Variants in ZNF766 observed in about 807,000 individuals in gnomAD.
ZNF766 encodes the protein zinc finger protein 766.
A neutral mutation model predicts 13.2 loss-of-function variants in ZNF766; 13 were observed. The ratio of observed to expected loss-of-function variants is 0.98; its 90% confidence interval spans 0.64 to 1.56. The LOEUF is 1.56. Among genes scored for constraint, ZNF766 ranks in the 40% most tolerant of loss-of-function variants. The pLI, the probability that ZNF766 is intolerant of heterozygous loss-of-function variation, is 0.00. For missense variants in ZNF766, 521 were observed against 552.2 expected (o/e 0.94, Z 0.57); for synonymous variants, 178 against 187.6 (o/e 0.95, Z 0.42).
chr19:52,276,039 C>G (rs1981181023), intron 1 of ZNF766, among the ~76,000 whole-genome samples: 1 of 152,172 alleles, frequency 6.6e-6, no homozygotes, highest in South Asian at 2.1e-4. Context: ...ACCGTTGTTA[C>G]AGTTGACTAT....
Position 52,282,793 on chromosome 19 carries a change from A to G in ZNF766, c.146-492A>G, listed in dbSNP as rs142951867. Among the ~76,000 whole-genome samples the G allele has an allele frequency of 2.0e-5, 3 of 152,306 alleles. No individual in the cohort carries two copies. In the East Asian group the frequency reaches 5.8e-4, roughly 29 times the overall value. Reference sequence around the variant, plus strand: ...GCATAAAACCTTATGACAAACTTTTAAAATATCCAGTTCCCTGTTTTCTAC... The same window carrying G: ...GCATAAAACCTTATGACAAACTTTTGAAATATCCAGTTCCCTGTTTTCTAC... On this transcript the variant is annotated intron_variant, in intron 2 of 3. Transcript: ENST00000439461.
chr19:52,292,149 G>T lies in ZNF766; in HGVS notation c.*951G>T, dbSNP rs1313827065. On this transcript the variant is annotated 3_prime_UTR_variant, in exon 4 of 4. Transcript: ENST00000439461. Reference sequence around the variant, plus strand: ...ATTTCTTCATGTGCCTTCCCTACAGGCCTTTCACTGTGGTCTGGGAAAGAA... The same window carrying T: ...ATTTCTTCATGTGCCTTCCCTACAGTCCTTTCACTGTGGTCTGGGAAAGAA... The T allele has an allele frequency of 1.4e-6, 1 of 702,836 alleles. No individual in the cohort carries two copies. Among genetic ancestry groups the T allele is most frequent in the East Asian group, 2.7e-5 (1 of 37,264 alleles). The allele number at this position is 702,836 out of a possible 1,614,324, so 43.5% of individuals were successfully genotyped here.
intron 3 of ZNF766, among the ~76,000 whole-genome samples, chr19:52,288,410 G>A (rs1378786255): frequency 6.6e-6 from 1 of 151,964 alleles, no homozygotes; most frequent in Non-Finnish European, 1.5e-5. Flanking sequence ...TAAGAGATAG[G>A]GTCTCACTGT....
intron 1 of ZNF766, among the ~76,000 whole-genome samples, chr19:52,273,019 T>A (rs76334390): frequency 0.12 from 9,114 of 74,206 alleles, 433 homozygotes; most frequent in East Asian, 0.26. Flanking sequence ...ATTAATATAT[T>A]TTTTTTTCGA....
rs1008446099 is a variant in ZNF766, at chr19:52,292,528, G to A, written c.*1330G>A. On this transcript the variant is annotated 3_prime_UTR_variant, in exon 4 of 4. Transcript: ENST00000439461. The stretch of plus-strand genomic sequence containing the variant: ...TCTCCATTGAATAGCAATAGCTGCT[G>A]TTTAGCAAAGACTGATTAAAAAGTA... The A allele has an allele frequency of 4.2e-5, 10 of 239,964 alleles. No homozygotes were observed. In the East Asian group the frequency reaches 7.8e-4, roughly 19 times the overall value. The allele number at this position is 239,964 out of a possible 1,614,324, so 14.9% of individuals were successfully genotyped here.
chr19:52,272,048 T>C (rs2089275), intron 1 of ZNF766, among the ~76,000 whole-genome samples: 50,368 of 146,038 alleles, frequency 0.34, 9,594 homozygotes, highest in African/African-American at 0.51. Flanking sequence ...ATGATTAAAA[T>C]AAAAAATATT....
At position 52,291,061 on chromosome 19, in the gene ZNF766, TCACACCTTGCAAATCATCAGAGAATC is replaced by T; in HGVS notation, c.1276_1301del (p.Leu426TrpfsTer12). The T allele has an allele frequency of 6.2e-7, 1 of 1,614,156 alleles. No individual in the cohort carries two copies. Among genetic ancestry groups the T allele is most frequent in the Non-Finnish European group, 8.5e-7 (1 of 1,180,002 alleles). On this transcript the variant is annotated frameshift_variant, in exon 4 of 4. Transcript: ENST00000439461. LOFTEE classifies it low-confidence loss of function (END_TRUNC). ...GTGTGGCAAAGTCTTCACTCAGAAT[TCACACCTTGCAAATCATCAGAGAATC>T]CACACTGGAGAGAAACCTTACAAAT...
intron 1 of ZNF766, among the ~76,000 whole-genome samples, chr19:52,271,271 T>C (rs1357124380): frequency 1.3e-5 from 2 of 152,198 alleles, no homozygotes; most frequent in African/African-American, 2.4e-5. Flanking sequence ...AGGGGCAGTC[T>C]TGTGGGACTG....
At chr19:52,277,435 G>C in intron 1 of ZNF766, 1 of 1,521,140 alleles carries the variant, frequency 6.6e-7, no homozygotes, top group Admixed American at 2.0e-5. Context: ...CTCCAGCCTG[G>C]GTGACAGAGT....
Position 52,290,106 on chromosome 19 carries a change from T to A in ZNF766, c.315T>A (p.Pro105=). 6.2e-7 allele frequency: 1 copy of A among 1,613,954 alleles called. No individual in the cohort carries two copies. Among genetic ancestry groups the A allele is most frequent in the Non-Finnish European group, 8.5e-7 (1 of 1,179,902 alleles). The change falls in exon 4 of 4, where the codon CCT becomes CCA. Residue 105 remains proline (P), a synonymous_variant. Transcript: ENST00000439461. The stretch of plus-strand genomic sequence containing the variant: ...TGAGAAGCAAAGCAGGAAACAAGCC[T>A]ATTACAAATCAACTTGGATTAACCT... The part of the protein sequence containing the change: ...CAVRSKAGNK[P]ITNQLGLTFQ...
In ZNF766 at chr19:52,291,265, C is replaced by A; in HGVS notation, c.*67C>A. On this transcript the variant is annotated 3_prime_UTR_variant, in exon 4 of 4. Transcript: ENST00000439461. ...CCGAGAGTCTATACTAGAAAGAAAT[C>A]ATTTAAATGTACTATATGTGGCACA... 1 of 1,433,506 alleles carries A rather than the reference C, an allele frequency of 7.0e-7. No individual in the cohort carries two copies. The highest frequency in any genetic ancestry group is 9.4e-7 in the Non-Finnish European group (1 of 1,062,998). 88.8% of individuals were successfully genotyped at this position (1,433,506 alleles called of 1,614,324 possible).
intron 1 of ZNF766, among the ~76,000 whole-genome samples, chr19:52,271,980 CAAAAAAAAAAA>C (rs371229113): frequency 2.2e-5 from 2 of 89,166 alleles, no homozygotes; most frequent in South Asian, 4.4e-4. Context: ...GAGACTGTCT[CAAAAAAAAAAA>C]AAAAAAAAAA....
rs777833238 is a variant in ZNF766, at chr19:52,269,642, C to T, written c.18+11C>T. ...GCGCAACTGCGGCGCGTGAGTTTTCCTTTGTTTAGATTAAGTGTTCGCTTA... is the reference window on the plus strand; with the variant it reads ...GCGCAACTGCGGCGCGTGAGTTTTCTTTTGTTTAGATTAAGTGTTCGCTTA... On this transcript the variant is annotated intron_variant, in intron 1 of 3. Transcript: ENST00000439461. 1 of 1,612,914 alleles carries T rather than the reference C, an allele frequency of 6.2e-7. No homozygotes were observed. Among genetic ancestry groups the T allele is most frequent in the South Asian group, 1.1e-5 (1 of 91,016 alleles).
intron 3 of ZNF766, among the ~76,000 whole-genome samples, chr19:52,285,683 GGAA>G (rs1005566843): frequency 1.1e-4 from 17 of 152,158 alleles, no homozygotes; most frequent in African/African-American, 3.6e-4. Flanking sequence ...GGGTTTTCAT[GGAA>G]GCTTTGTGAC....
Position 52,292,024 on chromosome 19 carries a change from T to C in ZNF766, c.*826T>C. The C allele has an allele frequency of 7.9e-6, 5 of 635,420 alleles. No homozygotes were observed. The highest frequency in any genetic ancestry group is 1.8e-5 in the South Asian group (1 of 54,278). The allele number at this position is 635,420 out of a possible 1,614,324, so 39.4% of individuals were successfully genotyped here. A position where few individuals can be genotyped will look rare whatever the true frequency, so the allele number is the denominator to read the frequency against. ...GAGTTTGAGAGTTTGAGCAGTGAGCTCTGATCTTGCCATTTGTACTCCAGC... is the reference window on the plus strand; with the variant it reads ...GAGTTTGAGAGTTTGAGCAGTGAGCCCTGATCTTGCCATTTGTACTCCAGC... On this transcript the variant is annotated 3_prime_UTR_variant, in exon 4 of 4. Transcript: ENST00000439461.
rs1982243268 is a variant in ZNF766 at position 52,293,618 on chromosome 19, TTTTTTG to T, written c.*2424_*2429del. ...TTATTCTCTCTACTCTTTGTTTTTG[TTTTTTG>T]TTTGTTTTGTTTTGTTTTGAGATGG... On this transcript the variant is annotated 3_prime_UTR_variant, in exon 4 of 4. Coordinates refer to ENST00000439461, the MANE Select transcript of ZNF766 (RefSeq NM_001010851.3). The T allele has an allele frequency of 7.0e-6, 1 of 143,582 alleles. No individual in the cohort carries two copies. The highest frequency in any genetic ancestry group is 1.5e-5 in the Non-Finnish European group (1 of 64,708). The allele number at this position is 143,582 out of a possible 1,614,324, so 8.9% of individuals were successfully genotyped here.
At chr19:52,282,317 C>G in intron 2 of ZNF766, 80 bp downstream of exon 2, 1 of 1,472,806 alleles carries the variant, frequency 6.8e-7, no homozygotes, top group Non-Finnish European at 9.1e-7. Context: ...TTGGGAGCCC[C>G]TGCATTGCTT....
At chr19:52,285,628 G>A (rs541193796) in intron 3 of ZNF766, among the ~76,000 whole-genome samples, 3 of 152,320 alleles carry the variant, frequency 2.0e-5, no homozygotes, top group South Asian at 2.1e-4. Flanking sequence ...CCAGGAAGCC[G>A]CCATGTGTTC....
intron 3 of ZNF766, among the ~76,000 whole-genome samples, chr19:52,284,027 G>A (rs1009591379): frequency 6.6e-6 from 1 of 152,174 alleles, no homozygotes; most frequent in Admixed American, 6.5e-5. Flanking sequence ...CAGCCACCGC[G>A]CCCAGCCCAC....
Sources: allele counts gnomAD v4.1 joint callset (sites outside exome capture counted in the v4.1 genomes callset), GRCh38; gene constraint gnomAD v4.1.1; transcripts MANE v1.5; gene names NCBI Gene and HGNC (gene_info 2026-07-23, HGNC 2026-07-21).